The following ABI2 variants were observed in gnomAD, a reference collection of about 807,000 sequenced individuals.
ABI2 encodes the protein abl interactor 2.
In ABI2, 25 loss-of-function variants were observed where a neutral mutation model predicts 59.2. That is an observed-to-expected ratio of 0.42 (90% confidence interval 0.31 to 0.59). ABI2 has a LOEUF of 0.59. Among genes scored for constraint, ABI2 ranks in the 20% least tolerant of loss-of-function variants. The pLI, the probability that ABI2 is intolerant of heterozygous loss-of-function variation, is 0.14. For missense variants in ABI2, 545 were observed against 681.8 expected, an observed-to-expected ratio of 0.80 and a Z score of 2.23; for synonymous variants, 213 against 235.5, an observed-to-expected ratio of 0.90 and a Z score of 0.87.
intron 9 of ABI2, among the ~76,000 whole-genome samples, chr2:203,409,579 T>A (rs1410710627): frequency 6.6e-6 from 1 of 152,226 alleles, no homozygotes; most frequent in Non-Finnish European, 1.5e-5. Flanking sequence ...GGTAAAAATC[T>A]AAGAATGACC....
At chr2:203,391,399 T>G (rs2096737286) in intron 5 of ABI2, among the ~76,000 whole-genome samples, 1 of 152,244 alleles carries the variant, frequency 6.6e-6, no homozygotes, top group Non-Finnish European at 1.5e-5. Flanking sequence ...TATTGTAAAT[T>G]GCAGTCTAAT....
chr2:203,350,141 A>G (rs376314444), intron 1 of ABI2, among the ~76,000 whole-genome samples: 24 of 152,180 alleles, frequency 1.6e-4, no homozygotes, highest in African/African-American at 5.6e-4. Flanking sequence ...CAGTGGTGCT[A>G]TCTTGGCTCA....
intron 11 of ABI2, among the ~76,000 whole-genome samples, chr2:203,422,562 G>C (rs989420258): frequency 1.3e-5 from 2 of 152,186 alleles, no homozygotes; most frequent in African/African-American, 4.8e-5. Context: ...GTAGTAATCA[G>C]ATAACTGGGA....
intron 2 of ABI2, among the ~76,000 whole-genome samples, chr2:203,377,315 A>C (rs2095772678): frequency 6.6e-6 from 1 of 152,072 alleles, no homozygotes; most frequent in Non-Finnish European, 1.5e-5. Flanking sequence ...ACCTGTTGCA[A>C]AAAAATGTAT....
intron 2 of ABI2, among the ~76,000 whole-genome samples, chr2:203,370,227 T>TC (rs1491541898): frequency 2.3e-4 from 32 of 141,666 alleles, no homozygotes; most frequent in African/African-American, 7.5e-4. Context: ...TCTCTCTCTC[T>TC]TTCTGTGTGT....
At chr2:203,416,137 A>G (rs1422216099) in intron 10 of ABI2, among the ~76,000 whole-genome samples, 2 of 152,192 alleles carry the variant, frequency 1.3e-5, no homozygotes, top group Non-Finnish European at 1.5e-5. Flanking sequence ...AAATTTTACT[A>G]TTCCCTGGAC....
At chr2:203,364,431 G>A (rs1215897629) in intron 1 of ABI2, among the ~76,000 whole-genome samples, 1 of 152,112 alleles carries the variant, frequency 6.6e-6, no homozygotes, top group South Asian at 2.1e-4. Flanking sequence ...AATTGAACCC[G>A]GGTCTCCTGT....
chr2:203,407,865 TA>T (rs2097497450), intron 9 of ABI2, among the ~76,000 whole-genome samples: 1 of 152,190 alleles, frequency 6.6e-6, no homozygotes, highest in Admixed American at 6.5e-5. Flanking sequence ...TAAATTCACT[TA>T]AAATGGTTTG....
At chr2:203,410,418 T>G (rs974312954) in intron 9 of ABI2, among the ~76,000 whole-genome samples, 6 of 151,960 alleles carry the variant, frequency 3.9e-5, no homozygotes, top group Admixed American at 3.9e-4. Context: ...TTTTTCTTTC[T>G]TTTTTTTGCC....
Position 203,411,320 on chromosome 2 carries a change from G to T in ABI2, c.1228G>T (p.Val410Leu). Reference sequence around the variant, plus strand: ...TCCTCCTCCTCCCTCCATCCTACAGGTAACTCCTCAGTTACCTTTAATGGG... The same window carrying T: ...TCCTCCTCCTCCCTCCATCCTACAGTTAACTCCTCAGTTACCTTTAATGGG... ...LAPPPPSILQ[V>L]TPQLPLMGFV... The change falls in exon 10 of 12, where the codon GTA becomes TTA. Residue 410 changes from valine (V) to leucine (L), a missense_variant. Val to Leu is a conservative substitution (Grantham distance 32). Transcript: ENST00000261018. 6.2e-7 allele frequency: 1 copy of T among 1,613,418 alleles called. No homozygotes were observed. The highest frequency in any genetic ancestry group is 8.5e-7 in the Non-Finnish European group (1 of 1,179,740).
chr2:203,354,241 G>A (rs1576597441), intron 1 of ABI2, among the ~76,000 whole-genome samples: 2 of 151,552 alleles, frequency 1.3e-5, no homozygotes, highest in Non-Finnish European at 2.9e-5. Context: ...ACAGGGTTTC[G>A]CCATGTTGCC....
Position 203,411,292 on chromosome 2 carries a change from T to C in ABI2, c.1200T>C (p.Leu400=). The change falls in exon 10 of 12, where the codon CTT becomes CTC. Residue 400 remains leucine, a synonymous_variant. Coordinates refer to ENST00000261018, the MANE Select transcript of ABI2 (RefSeq NM_001375670.1). ...GPFYSQNPVS[L]APPPPSILQV... is the part of the protein sequence containing the mutation. Reference sequence around the variant, plus strand: ...CCTTTTTTGTTTTTGCAGTATCTCTTGCTCCTCCTCCTCCCTCCATCCTAC... The same window carrying C: ...CCTTTTTTGTTTTTGCAGTATCTCTCGCTCCTCCTCCTCCCTCCATCCTAC... The C allele has an allele frequency of 1.2e-6, 2 of 1,613,710 alleles. No homozygotes were observed. Among genetic ancestry groups the C allele is most frequent in the Non-Finnish European group, 1.7e-6 (2 of 1,179,692 alleles).
chr2:203,329,563 C>CTT (rs890525515), intron 1 of ABI2, among the ~76,000 whole-genome samples: 1 of 143,298 alleles, frequency 7.0e-6, no homozygotes, highest in Admixed American at 7.0e-5. Flanking sequence ...AAATCTTTTG[C>CTT]TTTTTTTTTT....
chr2:203,416,015 C>T (rs2097877753), intron 10 of ABI2, among the ~76,000 whole-genome samples: 1 of 152,182 alleles, frequency 6.6e-6, no homozygotes, highest in South Asian at 2.1e-4. Flanking sequence ...TATAAGTAAA[C>T]AAACATCCTC....
At chr2:203,368,951 G>T (rs949007025) in intron 2 of ABI2, among the ~76,000 whole-genome samples, 2 of 149,426 alleles carry the variant, frequency 1.3e-5, no homozygotes, top group Admixed American at 1.3e-4. Context: ...CAAGTAGCTG[G>T]CTGGGACTAC....
At chr2:203,373,038 G>C (rs1189667434) in intron 2 of ABI2, among the ~76,000 whole-genome samples, 1 of 152,178 alleles carries the variant, frequency 6.6e-6, no homozygotes, top group African/African-American at 2.4e-5. Flanking sequence ...ACGCAGAGAC[G>C]CTCCTCACTT....
chr2:203,406,124 T>C (rs1279321511), intron 9 of ABI2, among the ~76,000 whole-genome samples: 1 of 152,186 alleles, frequency 6.6e-6, no homozygotes, highest in Non-Finnish European at 1.5e-5. Flanking sequence ...GAGGGGGTCA[T>C]AGAAACACAT....
intron 1 of ABI2, among the ~76,000 whole-genome samples, chr2:203,344,390 G>T (rs1000215999): frequency 9.2e-5 from 14 of 151,746 alleles, no homozygotes; most frequent in Non-Finnish European, 1.5e-5. Context: ...TTGAGACAGG[G>T]TCTCTTGCTC....
chr2:203,341,217 A>G (rs1427652627), intron 1 of ABI2, among the ~76,000 whole-genome samples: 1 of 152,002 alleles, frequency 6.6e-6, no homozygotes, highest in African/African-American at 2.4e-5. Context: ...TTACGCCTAC[A>G]TATTTTCTCT....
Sources: allele counts gnomAD v4.1 joint callset (sites outside exome capture counted in the v4.1 genomes callset), GRCh38; gene constraint gnomAD v4.1.1; transcripts MANE v1.5; gene names NCBI Gene and HGNC (gene_info 2026-07-23, HGNC 2026-07-21).